AGAP1: variants seen among roughly 807,000 people sequenced by gnomAD.
The protein encoded by AGAP1 is arf-GAP with GTPase, ANK repeat and PH domain-containing protein 1.
AGAP1 carries 29 observed loss-of-function variants against 105.3 expected under a neutral mutation model. The observed-to-expected ratio is 0.28, with a 90% CI of 0.21 to 0.38. The LOEUF (loss-of-function observed/expected upper bound fraction) is 0.38, where lower values mean the gene tolerates loss of function less well. Among genes scored for constraint, AGAP1 ranks in the 10% least tolerant of loss-of-function variants. The pLI is 1.00. For synonymous variants in AGAP1, 509 were observed against 485.9 expected, an observed-to-expected ratio of 1.05 and a Z score of -0.63; for missense variants, 998 against 1,165.1, an observed-to-expected ratio of 0.86 and a Z score of 2.09.
At position 235,961,652 on chromosome 2, in the gene AGAP1, A is replaced by G. The variant is rs1221534274; in HGVS notation, c.1484-6810A>G. ...GGGCCGGGCGTGGTGGCTCATGCCTATAATCCCAGCACTTTGGGAGGCCAA... is the reference window on the plus strand; with the variant it reads ...GGGCCGGGCGTGGTGGCTCATGCCTGTAATCCCAGCACTTTGGGAGGCCAA... On this transcript the variant is annotated intron_variant, in intron 12 of 17. Coordinates refer to ENST00000304032, the MANE Select transcript of AGAP1 (RefSeq NM_001037131.3). The surrounding 1 kb of genome is among the most constrained non-coding windows in gnomAD (Gnocchi z 5.9). Among the ~76,000 whole-genome samples the G allele has an allele frequency of 6.6e-6, 1 of 152,146 alleles. No individual in the cohort carries two copies. The highest frequency in any genetic ancestry group is 1.5e-5 in the Non-Finnish European group (1 of 68,024).
At position 235,547,566 on chromosome 2, in the gene AGAP1, C is replaced by A. The variant is rs866114871; in HGVS notation, c.163+52717C>A. On this transcript the variant is annotated intron_variant, in intron 1 of 17. Transcript: ENST00000304032. ...TAAAGATGGGGTTTCACCATATTGG[C>A]CAGATTGGTCTCAAACTCCTGACCT... Among the ~76,000 whole-genome samples, 7 of 152,240 alleles carry A rather than the reference C, an allele frequency of 4.6e-5. 1 individual carries two copies. In the South Asian group the frequency reaches 1.5e-3, roughly 32 times the overall value.
chr2:235,565,499 C>T (rs760434363), intron 1 of AGAP1, among the ~76,000 whole-genome samples: 22 of 152,144 alleles, frequency 1.4e-4, no homozygotes, highest in Non-Finnish European at 1.0e-4. Flanking sequence ...GTGTGACCTA[C>T]GAAAGGTGGG....
Position 235,792,841 on chromosome 2 carries a change from A to T in AGAP1, c.674-4918A>T, listed in dbSNP as rs1957060676. 1.3e-5 allele frequency among the ~76,000 whole-genome samples: 2 copies of T among 152,152 alleles called. No homozygotes were observed. Among genetic ancestry groups the T allele is most frequent in the African/African-American group, 2.4e-5 (1 of 41,434 alleles). ...TGGCTACACAACTCTAGAAGGCAGG[A>T]TGTGAGGCAGAGCTCTTCGTGGCAG... On this transcript the variant is annotated intron_variant, in intron 6 of 17. Coordinates refer to ENST00000304032, the MANE Select transcript of AGAP1 (RefSeq NM_001037131.3). The surrounding 1 kb of genome is among the most constrained non-coding windows in gnomAD (Gnocchi z 5.3).
intron 1 of AGAP1, chr2:235,670,587 C>G: frequency 3.7e-6 from 2 of 541,752 alleles, no homozygotes; most frequent in East Asian, 3.5e-5. Flanking sequence ...GGGCCTGAGG[C>G]GCCGCAAGGC....
At position 235,635,617 on chromosome 2, in the gene AGAP1, C is replaced by G. The variant is rs933535058; in HGVS notation, c.164-73562C>G. Among the ~76,000 whole-genome samples the G allele has an allele frequency of 1.3e-5, 2 of 151,958 alleles. No individual in the cohort carries two copies. Among genetic ancestry groups the G allele is most frequent in the Non-Finnish European group, 2.9e-5 (2 of 67,988 alleles). On this transcript the variant is annotated intron_variant, in intron 1 of 17. Transcript: ENST00000304032. This position sits in a 1 kb window ranked among gnomAD's most constrained non-coding sequence, Gnocchi z 5.3. ...GGAAACCTAGAGCAACCTACTAGAT[C>G]AATGAGTTTTCTAGGGAGGCATCAG... is the stretch of plus-strand genomic sequence containing the variant.
At chr2:236,030,290 C>G (rs961444580) in intron 13 of AGAP1, among the ~76,000 whole-genome samples, 4 of 152,240 alleles carry the variant, frequency 2.6e-5, no homozygotes, top group Admixed American at 1.3e-4. Context: ...GCTGGGATTA[C>G]AGGCGTGAGC....
Position 235,904,787 on chromosome 2 carries a change from A to G in AGAP1, c.1156-3951A>G, listed in dbSNP as rs146890796. The stretch of plus-strand genomic sequence containing the variant: ...AGGATCAGTTCTTTCAAAACCAGAA[A>G]GCTCAGTGTCGTTTCTCTTGGGAGG... On this transcript the variant is annotated intron_variant, in intron 10 of 17. Coordinates refer to ENST00000304032, the MANE Select transcript of AGAP1 (RefSeq NM_001037131.3). The surrounding 1 kb of genome is among the most constrained non-coding windows in gnomAD (Gnocchi z 4.2). Among the ~76,000 whole-genome samples the G allele has an allele frequency of 3.2e-3, 488 of 152,288 alleles. 5 individuals are homozygous for G. Among genetic ancestry groups the G allele is most frequent in the African/African-American group, 0.011 (474 of 41,552 alleles).
At chr2:236,115,281 G>A (rs1055008132) in intron 16 of AGAP1, among the ~76,000 whole-genome samples, 1 of 152,184 alleles carries the variant, frequency 6.6e-6, no homozygotes, top group Non-Finnish European at 1.5e-5. Context: ...ATCCAAATGC[G>A]TGATCCCAAA....
chr2:235,941,666 A>T (rs950204239), intron 12 of AGAP1, among the ~76,000 whole-genome samples: 14 of 152,308 alleles, frequency 9.2e-5, no homozygotes, highest in Middle Eastern at 3.4e-3. Flanking sequence ...TCACTTGACA[A>T]ATATATAACT....
chr2:235,503,343 C>T (rs1187926075), intron 1 of AGAP1, among the ~76,000 whole-genome samples: 1 of 152,124 alleles, frequency 6.6e-6, no homozygotes, highest in Non-Finnish European at 1.5e-5. Flanking sequence ...TTTCGAAGGT[C>T]TGGGGTGCTG....
rs7597238 is a variant in AGAP1 at position 235,973,405 on chromosome 2, G to A, written c.1645+4782G>A. Among the ~76,000 whole-genome samples the A allele has an allele frequency of 0.11, 17,212 of 152,204 alleles. 2,590 individuals carry two copies. The highest frequency in any genetic ancestry group is 0.35 in the African/African-American group (14,422 of 41,482). On this transcript the variant is annotated intron_variant, in intron 13 of 17. Transcript: ENST00000304032. The surrounding 1 kb of genome is among the most constrained non-coding windows in gnomAD (Gnocchi z 4.7). ...GGTTCTGAGGATTACCAGGAGATGTGTGGATGACAGAGCCCGTCGCTAGGC... is the reference window on the plus strand; with the variant it reads ...GGTTCTGAGGATTACCAGGAGATGTATGGATGACAGAGCCCGTCGCTAGGC...
At position 235,979,204 on chromosome 2, in the gene AGAP1, CAA is replaced by C. The variant is rs2054988728; in HGVS notation, c.1645+10582_1645+10583del. 6.7e-6 allele frequency among the ~76,000 whole-genome samples: 1 copy of C among 149,978 alleles called. No individual in the cohort carries two copies. The highest frequency in any genetic ancestry group is 2.5e-5 in the African/African-American group (1 of 40,482). ...CGGGCTAGTCTCAAATCCCTGGTCT[CAA>C]GAGATCCTCCCATGTCAGCTTCCTG... On this transcript the variant is annotated intron_variant, in intron 13 of 17. Transcript: ENST00000304032. The surrounding 1 kb of genome is among the most constrained non-coding windows in gnomAD (Gnocchi z 4.5).
intron 12 of AGAP1, among the ~76,000 whole-genome samples, chr2:235,938,398 C>T (rs140537616): frequency 6.6e-6 from 1 of 152,356 alleles, no homozygotes. Flanking sequence ...GGGTGCGCAG[C>T]GTGTCCCCCT....
intron 1 of AGAP1, among the ~76,000 whole-genome samples, chr2:235,534,158 A>G (rs910404816): frequency 6.6e-5 from 10 of 152,056 alleles, no homozygotes; most frequent in Admixed American, 3.3e-4. Flanking sequence ...GCGTGTTCGG[A>G]TTGTGCCCTC....
chr2:235,552,761 T>C lies in AGAP1; in HGVS notation c.163+57912T>C, dbSNP rs568913339. Among the ~76,000 whole-genome samples, 1 of 152,058 alleles carries C rather than the reference T, an allele frequency of 6.6e-6. No individual in the cohort carries two copies. The highest frequency in any genetic ancestry group is 6.5e-5 in the Admixed American group (1 of 15,288). ...AGTGAGGAGAGAGCAGTGGCCAAAG[T>C]GGAGAGAGTTGAGTTTCAGAAAGCC... On this transcript the variant is annotated intron_variant, in intron 1 of 17. Coordinates refer to ENST00000304032, the MANE Select transcript of AGAP1 (RefSeq NM_001037131.3). The surrounding 1 kb of genome is among the most constrained non-coding windows in gnomAD (Gnocchi z 5.9).
chr2:235,499,365 G>A (rs1458408730), intron 1 of AGAP1, among the ~76,000 whole-genome samples: 2 of 152,222 alleles, frequency 1.3e-5, no homozygotes, highest in African/African-American at 4.8e-5. Flanking sequence ...AATGTATTTA[G>A]TCCGGTTGAT....
At chr2:235,606,022 T>C (rs893998328) in intron 1 of AGAP1, among the ~76,000 whole-genome samples, 1 of 152,238 alleles carries the variant, frequency 6.6e-6, no homozygotes, top group Non-Finnish European at 1.5e-5. Context: ...TAAGTATGTG[T>C]TTTATAAGGA....
rs910666441 is a variant in AGAP1 at position 235,931,652 on chromosome 2, G to A, written c.1483+729G>A. Among the ~76,000 whole-genome samples the A allele has an allele frequency of 6.6e-6, 1 of 152,026 alleles. No homozygotes were observed. Among genetic ancestry groups the A allele is most frequent in the Non-Finnish European group, 1.5e-5 (1 of 68,016 alleles). The stretch of plus-strand genomic sequence containing the variant: ...TGTTGTATGTAATCTATCAGACGGG[G>A]TTTTAGAGTAATCTTAGCATAATTT... On this transcript the variant is annotated intron_variant, in intron 12 of 17. Transcript: ENST00000304032. The surrounding 1 kb of genome is among the most constrained non-coding windows in gnomAD (Gnocchi z 5.6).
In AGAP1 at chr2:235,972,073, G is replaced by A. The variant is rs565847662; in HGVS notation, c.1645+3450G>A. 1.5e-3 allele frequency among the ~76,000 whole-genome samples: 231 copies of A among 152,082 alleles called. 1 individual carries two copies. Among genetic ancestry groups the A allele is most frequent in the Non-Finnish European group, 2.2e-3 (149 of 68,008 alleles). On this transcript the variant is annotated intron_variant, in intron 13 of 17. Transcript: ENST00000304032. Reference sequence around the variant, plus strand: ...ACTACAGGCGTGAGCCACCACACCCGGCCTATATTTTATGTTTTGAGAATA... The same window carrying A: ...ACTACAGGCGTGAGCCACCACACCCAGCCTATATTTTATGTTTTGAGAATA...
Sources: allele counts gnomAD v4.1 joint callset (sites outside exome capture counted in the v4.1 genomes callset), GRCh38; gene constraint gnomAD v4.1.1; non-coding constraint Gnocchi (gnomAD v3.1); transcripts MANE v1.5; gene names NCBI Gene and HGNC (gene_info 2026-07-23, HGNC 2026-07-21).